Variants in TTN observed in about 807,000 individuals in gnomAD.
TTN encodes connectin.
TTN carries 1,525 observed loss-of-function variants against 3,223.0 expected under a neutral mutation model. The ratio of observed to expected loss-of-function variants is 0.47; its 90% confidence interval spans 0.45 to 0.49. The LOEUF (loss-of-function observed/expected upper bound fraction) is 0.49. Among genes scored for constraint, TTN ranks in the 20% least tolerant of loss-of-function variants. The pLI, the probability that TTN is intolerant of heterozygous loss-of-function variation, is 0.00. For synonymous variants in TTN, 14,094 were observed against 15,161.0 expected (o/e 0.93, Z 5.17); for missense variants, 40,786 against 43,424.0 (o/e 0.94, Z 5.40).
chr2:178,784,221 G>T lies in TTN; in HGVS notation c.2624C>A (p.Pro875His), dbSNP rs1212429952. 1.2e-6 allele frequency: 2 copies of T among 1,614,152 alleles called. No homozygotes were observed. The highest frequency in any genetic ancestry group is 4.5e-5 in the East Asian group (2 of 44,868). The change falls in exon 16 of 363, where the codon CCC becomes CAC. Residue 875 changes from proline to histidine, a missense_variant. By Grantham distance (77) the Pro-to-His change is moderately conservative. Coordinates refer to ENST00000589042, the MANE Select transcript of TTN (RefSeq NM_001267550.2). ...KPSETRVRAE[P>H]TPLPQFPFAD... ...GAAGGGGAACTGTGGCAAGGGTGTG[G>T]GCTCTGCCCTTACTCTAGTCTCACT...
chr2:178,589,366 T>C lies in TTN; in HGVS notation c.62359A>G (p.Ile20787Val). 6.2e-7 allele frequency: 1 copy of C among 1,613,446 alleles called. No individual in the cohort carries two copies. The highest frequency in any genetic ancestry group is 2.2e-5 in the East Asian group (1 of 44,750). The change falls in exon 304 of 363, where the codon ATT (isoleucine) becomes GTT (valine). Residue 20787 changes from isoleucine to valine, a missense_variant. Ile to Val is a conservative substitution (Grantham distance 29). Transcript: ENST00000589042. ...CCTCTAACCCCTGCCTCAAGCCTAA[T>C]GGTGTCCCCTGCTTTGACAGTTAGG... ...GVLTVKAGDT[I>V]RLEAGVRGKP...
In TTN at chr2:178,636,877, T is replaced by G; in HGVS notation, c.40928-78A>C. ...AGTTCATACTTGGCTGCCTGCTGGA[T>G]AAAACCAGCCGTAAAGCAATTAGAA... On this transcript the variant is annotated intron_variant, in intron 224 of 362. Coordinates refer to ENST00000589042, the MANE Select transcript of TTN (RefSeq NM_001267550.2). This position sits in a 1 kb window ranked among gnomAD's most constrained non-coding sequence, Gnocchi z 4.3. 6.9e-7 allele frequency: 1 copy of G among 1,457,136 alleles called. No individual in the cohort carries two copies. The highest frequency in any genetic ancestry group is 1.4e-5 in the African/African-American group (1 of 70,804). 90.3% of individuals were successfully genotyped at this position (1,457,136 alleles called of 1,614,324 possible). A position where few individuals can be genotyped will look rare whatever the true frequency, so the allele number is the denominator to read the frequency against.
intron 82 of TTN, 33 bp from the exon 83 acceptor site, chr2:178,719,484 A>G (rs906621157): frequency 2.2e-5 from 35 of 1,595,320 alleles, no homozygotes; most frequent in Admixed American, 3.4e-5. Flanking sequence ...GCGTTTAAAG[A>G]GAAGTTTTAT....
In TTN at chr2:178,573,201, T is replaced by C. The variant is rs56201325; in HGVS notation, c.72931A>G (p.Thr24311Ala). The C allele has an allele frequency of 4.2e-3, 6,833 of 1,608,610 alleles. 26 individuals are homozygous for C. The highest frequency in any genetic ancestry group is 5.0e-3 in the Non-Finnish European group (5,906 of 1,176,670). Residue 24311 changes from threonine (T) to alanine (A), a missense_variant, in exon 326 of 363, where the codon ACC becomes GCC. Transcript: ENST00000589042. ...TCACAAGCCTTGTAAAATGGACTGG[T>C]AGGACTTGGTGCACTAATTCCAGCA... is the stretch of plus-strand genomic sequence containing the variant. Reference protein sequence around the residue: ...NAAGISAPSPTSPFYKACDTV... With the variant: ...NAAGISAPSPASPFYKACDTV...
At position 178,599,376 on chromosome 2, in the gene TTN, C is replaced by A; in HGVS notation, c.56417G>T (p.Trp18806Leu). 1 of 1,595,662 alleles carries A rather than the reference C, an allele frequency of 6.3e-7. No homozygotes were observed. The highest frequency in any genetic ancestry group is 8.5e-7 in the Non-Finnish European group (1 of 1,173,444). Residue 18806 changes from tryptophan (W) to leucine (L), a missense_variant, in exon 290 of 363, where the codon TGG becomes TTG. Physicochemically the swap from Trp to Leu is moderately conservative, Grantham distance 61. Coordinates refer to ENST00000589042, the MANE Select transcript of TTN (RefSeq NM_001267550.2). ...CCCACCATCATCTTTAGGTGGAAACCAAGATAGTGTCATTTGATCTGCTGA... is the reference window on the plus strand; with the variant it reads ...CCCACCATCATCTTTAGGTGGAAACAAAGATAGTGTCATTTGATCTGCTGA... ...SVSADQMTLS[W>L]FPPKDDGGSK...
Position 178,547,435 on chromosome 2 carries a change from T to G in TTN, c.94191A>C (p.Ser31397=), listed in dbSNP as rs746806063. ...NRFGVSKPLE[S]APIIAEHPFV... is the part of the protein sequence containing the mutation. Reference sequence around the variant, plus strand: ...ATGGATGTTCAGCAATTATTGGTGCTGATTCTAGAGGTTTGCTGACACCAA... The same window carrying G: ...ATGGATGTTCAGCAATTATTGGTGCGGATTCTAGAGGTTTGCTGACACCAA... The change falls in exon 339 of 363, where the codon TCA becomes TCC. Residue 31397 remains serine, a synonymous_variant. Transcript: ENST00000589042. 1 of 1,604,918 alleles carries G rather than the reference T, an allele frequency of 6.2e-7. No individual in the cohort carries two copies. Among genetic ancestry groups the G allele is most frequent in the African/African-American group, 1.3e-5 (1 of 74,786 alleles).
chr2:178,735,764 T>C lies in TTN; in HGVS notation c.14682A>G (p.Leu4894=). Residue 4894 remains leucine, a synonymous_variant, in exon 50 of 363, where the codon TTA becomes TTG. Transcript: ENST00000589042. ...IIDKPHFIKE[L]EPVQSAINKK... ...TATTGATAGCGGACTGCACAGGCTC[T>C]AATTCTTTAATGAAATGTGGCTTAT... The C allele has an allele frequency of 2.5e-6, 4 of 1,613,788 alleles. No homozygotes were observed. The South Asian group carries it at 4.4e-5, about 18-fold the overall frequency.
At position 178,649,955 on chromosome 2, in the gene TTN, G is replaced by T; in HGVS notation, c.39818-61C>A. On this transcript the variant is annotated intron_variant, in intron 210 of 362. Transcript: ENST00000589042. ...TTACAATGAAAAATTTAATGCTAAT[G>T]AATGAATTAAAAACCACACATATTT... is the stretch of plus-strand genomic sequence containing the variant. The T allele has an allele frequency of 1.1e-5, 17 of 1,536,404 alleles. No individual in the cohort carries two copies. The South Asian group carries it at 1.9e-4, about 17-fold the overall frequency.
At position 178,770,685 on chromosome 2, in the gene TTN, A is replaced by C; in HGVS notation, c.8117-10T>G. 1 of 1,608,888 alleles carries C rather than the reference A, an allele frequency of 6.2e-7. No homozygotes were observed. Among genetic ancestry groups the C allele is most frequent in the Non-Finnish European group, 8.5e-7 (1 of 1,179,880 alleles). On this transcript the variant is annotated splice_polypyrimidine_tract_variant and intron_variant, in intron 34 of 362. Transcript: ENST00000589042. ...TTCTTAATTTTGACAGCTAAAGACA[A>C]ATTTATGATTGGGTTAGAAAATATA...
At position 178,775,479 on chromosome 2, in the gene TTN, G is replaced by C. The variant is rs1216558940; in HGVS notation, c.6385C>G (p.Pro2129Ala). Residue 2129 changes from proline to alanine, a missense_variant, in exon 28 of 363, where the codon CCC becomes GCC. Pro to Ala is a conservative substitution (Grantham distance 27). Transcript: ENST00000589042. ...ACCAATTCACAAACATTGTCTTCGG[G>C]CCAGTACCAGTAGATCCGGTCAGAC... ...ERSDRIYWYW[P>A]EDNVCELVIR... 6.2e-7 allele frequency: 1 copy of C among 1,613,956 alleles called. No homozygotes were observed. The highest frequency in any genetic ancestry group is 1.7e-5 in the Admixed American group (1 of 59,982).
chr2:178,563,420 G>A lies in TTN; in HGVS notation c.82712C>T (p.Pro27571Leu). The change falls in exon 326 of 363, where the codon CCA becomes CTA. Residue 27571 changes from proline to leucine, a missense_variant. Coordinates refer to ENST00000589042, the MANE Select transcript of TTN (RefSeq NM_001267550.2). This position sits in a 1 kb window ranked among gnomAD's most constrained non-coding sequence, Gnocchi z 4.5. ...FYRACDALYP[P>L]GPPSNPKVTD... Reference sequence around the variant, plus strand: ...CACTTTTGGATTGCTTGGGGGACCTGGTGGATACAAGGCATCACACGCACG... The same window carrying A: ...CACTTTTGGATTGCTTGGGGGACCTAGTGGATACAAGGCATCACACGCACG... 2 of 1,613,564 alleles carry A rather than the reference G, an allele frequency of 1.2e-6. No homozygotes were observed. The highest frequency in any genetic ancestry group is 1.1e-5 in the South Asian group (1 of 91,082).
At chr2:178,684,781 T>C in intron 130 of TTN, 32 bp from the exon 131 acceptor site, 1 of 1,599,310 alleles carries the variant, frequency 6.3e-7, no homozygotes, top group East Asian at 2.2e-5. Flanking sequence ...CCATCAAACA[T>C]ACGATATGGA....
chr2:178,649,518 C>G (rs1358718434), intron 212 of TTN, 36 bp downstream of exon 212: 3 of 1,535,260 alleles, frequency 2.0e-6, no homozygotes, highest in East Asian at 4.9e-5. Context: ...TATCAGAATA[C>G]TTTCTTTTTT....
rs2060429495 is a variant in TTN, at chr2:178,636,281, T to A, written c.41330-40A>T. 6.8e-7 allele frequency: 1 copy of A among 1,479,684 alleles called. No homozygotes were observed. Among genetic ancestry groups the A allele is most frequent in the African/African-American group, 1.4e-5 (1 of 70,252 alleles). 91.7% of individuals were successfully genotyped at this position (1,479,684 alleles called of 1,614,324 possible). A position where few individuals can be genotyped will look rare whatever the true frequency, so the allele number is the denominator to read the frequency against. On this transcript the variant is annotated intron_variant, in intron 225 of 362. Transcript: ENST00000589042. This position sits in a 1 kb window ranked among gnomAD's most constrained non-coding sequence, Gnocchi z 4.3. ...AGTATATATTTCAATAAATACAATATTTTCAATGAAATAAAACTTGGAAAT... is the reference window on the plus strand; with the variant it reads ...AGTATATATTTCAATAAATACAATAATTTCAATGAAATAAAACTTGGAAAT...
At chr2:178,664,182 T>C (rs1347432034) in intron 168 of TTN, 84 bp from the exon 169 acceptor site, 2 of 1,345,272 alleles carry the variant, frequency 1.5e-6, no homozygotes, top group African/African-American at 3.0e-5. Context: ...ACAAAAGAGC[T>C]ATTTTTTTCT....
rs1689160567 is a variant in TTN, at chr2:178,531,667, T to TG, written c.104947dup (p.Gln34983ProfsTer5). 6.2e-7 allele frequency: 1 copy of TG among 1,613,880 alleles called. No individual in the cohort carries two copies. On this transcript the variant is annotated frameshift_variant, in exon 358 of 363. Transcript: ENST00000589042. LOFTEE classifies it high-confidence loss of function. The stretch of plus-strand genomic sequence containing the variant: ...GGTGTAATGAATCTTACTGCTTTCT[T>TG]GGAGTTCCACACCATTGTGGTACCA...
At position 178,577,412 on chromosome 2, in the gene TTN, G is replaced by T. The variant is rs1218001244; in HGVS notation, c.68923C>A (p.Pro22975Thr). 1 of 1,612,380 alleles carries T rather than the reference G, an allele frequency of 6.2e-7. No individual in the cohort carries two copies. Among genetic ancestry groups the T allele is most frequent in the South Asian group, 1.1e-5 (1 of 91,008 alleles). ...TTGGACCAACTTGATTTTGGAAGGGGTTTGCCAAGAATGCTAATGGCATTC... is the reference window on the plus strand; with the variant it reads ...TTGGACCAACTTGATTTTGGAAGGGTTTTGCCAAGAATGCTAATGGCATTC... ...VLNAISILGK[P>T]LPKSSWSKAG... Residue 22975 changes from proline to threonine, a missense_variant, in exon 324 of 363, where the codon CCC becomes ACC. Physicochemically the swap from Pro to Thr is conservative, Grantham distance 38. Coordinates refer to ENST00000589042, the MANE Select transcript of TTN (RefSeq NM_001267550.2).
rs377147629 is a variant in TTN at position 178,632,835 on chromosome 2, T to C, written c.43214-43A>G. On this transcript the variant is annotated intron_variant, in intron 234 of 362. Coordinates refer to ENST00000589042, the MANE Select transcript of TTN (RefSeq NM_001267550.2). Reference sequence around the variant, plus strand: ...TGGATGAAGTCAGAATACGTTTCCATTGATGACCCTTGATCAATGCAGGGG... The same window carrying C: ...TGGATGAAGTCAGAATACGTTTCCACTGATGACCCTTGATCAATGCAGGGG... The C allele has an allele frequency of 8.9e-4, 1,428 of 1,612,548 alleles. 9 individuals are homozygous for C. Among genetic ancestry groups the C allele is most frequent in the Non-Finnish European group, 8.6e-4 (1,010 of 1,179,286 alleles).
intron 180 of TTN, among the ~76,000 whole-genome samples, chr2:178,660,785 G>A (rs1427973518): frequency 4.6e-5 from 7 of 152,304 alleles, no homozygotes; most frequent in South Asian, 4.1e-4. Flanking sequence ...CTCATCTGAC[G>A]AAGGGCTAAT....
Sources: gnomAD v4.1 joint callset for allele counts (sites outside exome capture counted in the v4.1 genomes callset) on GRCh38, gnomAD v4.1.1 for gene constraint, Gnocchi (gnomAD v3.1) non-coding constraint, MANE v1.5 for transcripts, NCBI Gene and HGNC (gene_info 2026-07-23, HGNC 2026-07-21) for gene names.